RGS17: variants seen among roughly 807,000 people sequenced by gnomAD.
The protein encoded by RGS17 is regulator of G protein signaling 17.
Under a neutral mutation model 25.5 loss-of-function variants are expected in RGS17, and 12 were observed. That is an observed-to-expected ratio of 0.47 (90% CI 0.30 to 0.76). RGS17 has a LOEUF of 0.76. Among genes scored for constraint, RGS17 ranks in the 30% least tolerant of loss-of-function variants. The probability of loss-of-function intolerance (pLI) is 0.07; values close to 1 mark genes in which losing one functional copy is unlikely to be tolerated. For missense variants in RGS17, 196 were observed against 242.2 expected (o/e 0.81, Z 1.27); for synonymous variants, 71 against 76.9 (o/e 0.92, Z 0.40).
Position 153,111,210 on chromosome 6 carries a change from C to A in RGS17, c.-26+19914G>T, listed in dbSNP as rs537318855. On this transcript the variant is annotated intron_variant, in intron 1 of 4. Coordinates refer to ENST00000206262, the MANE Select transcript of RGS17 (RefSeq NM_012419.5). The stretch of plus-strand genomic sequence containing the variant: ...TCCACTGGCTTGAAATTCTTGCTGC[C>A]GGCACAGCAGTCTGAACTTGCTGGG... 2.4e-4 allele frequency among the ~76,000 whole-genome samples: 36 copies of A among 152,136 alleles called. 1 individual carries two copies. The highest frequency in any genetic ancestry group is 2.4e-3 in the Admixed American group (36 of 15,288).
intron 1 of RGS17, among the ~76,000 whole-genome samples, chr6:153,060,660 A>T (rs1776622047): frequency 6.6e-6 from 1 of 152,166 alleles, no homozygotes; most frequent in African/African-American, 2.4e-5. Flanking sequence ...TATTTTGCTC[A>T]GAGAGGAAAA....
chr6:153,085,406 C>G (rs1321359499), intron 1 of RGS17, among the ~76,000 whole-genome samples: 1 of 152,130 alleles, frequency 6.6e-6, no homozygotes. Context: ...GCAGCTGGGT[C>G]AAAACCAGAC....
At chr6:153,097,904 G>A (rs1471884419) in intron 1 of RGS17, among the ~76,000 whole-genome samples, 1 of 152,026 alleles carries the variant, frequency 6.6e-6, no homozygotes, top group Non-Finnish European at 1.5e-5. Context: ...GATTTTAAGG[G>A]AGCTCTTGCA....
intron 1 of RGS17, among the ~76,000 whole-genome samples, chr6:153,070,710 T>C (rs1013207747): frequency 6.1e-4 from 92 of 150,522 alleles, no homozygotes; most frequent in African/African-American, 2.1e-3. Flanking sequence ...TGTATATACA[T>C]ATATATATAC....
In RGS17 at chr6:153,059,744, T is replaced by C. The variant is rs548290176; in HGVS notation, c.-25-15701A>G. On this transcript the variant is annotated intron_variant, in intron 1 of 4. Transcript: ENST00000206262. ...TATTACTCCTGGACCAACTTCTGTT[T>C]CCATATTTACAATAAAAAGCTGATG... Among the ~76,000 whole-genome samples, 256 of 152,338 alleles carry C rather than the reference T, an allele frequency of 1.7e-3. 1 individual carries two copies. The highest frequency in any genetic ancestry group is 5.7e-3 in the African/African-American group (238 of 41,586).
chr6:153,054,063 TA>T lies in RGS17; in HGVS notation c.-25-10021del, dbSNP rs1776513828. On this transcript the variant is annotated intron_variant, in intron 1 of 4. Coordinates refer to ENST00000206262, the MANE Select transcript of RGS17 (RefSeq NM_012419.5). ...TATATGTATATATGTATATAATATATATACATATATATATACACACAATATT... is the reference window on the plus strand; with the variant it reads ...TATATGTATATATGTATATAATATATTACATATATATATACACACAATATT... 7.6e-5 allele frequency among the ~76,000 whole-genome samples: 4 copies of T among 52,912 alleles called. 1 individual carries two copies. The highest frequency in any genetic ancestry group is 1.2e-3 in the East Asian group (2 of 1,700). The allele number at this position is 52,912 out of a possible 152,430, so 34.7% of individuals were successfully genotyped here. A position where few individuals can be genotyped will look rare whatever the true frequency, so the allele number is the denominator to read the frequency against.
intron 1 of RGS17, among the ~76,000 whole-genome samples, chr6:153,051,109 A>T (rs1049065222): frequency 1.3e-5 from 2 of 152,232 alleles, no homozygotes; most frequent in Non-Finnish European, 2.9e-5. Flanking sequence ...CAGAACTGTG[A>T]GAAATAAATG....
intron 1 of RGS17, among the ~76,000 whole-genome samples, chr6:153,110,446 A>G (rs1777451634): frequency 6.6e-6 from 1 of 151,828 alleles, no homozygotes; most frequent in East Asian, 1.9e-4. Context: ...ACACACACAC[A>G]CACACACACA....
intron 1 of RGS17, among the ~76,000 whole-genome samples, chr6:153,066,691 T>C (rs1584141687): frequency 6.6e-6 from 1 of 152,160 alleles, no homozygotes; most frequent in Non-Finnish European, 1.5e-5. Context: ...ATTAATTCAA[T>C]ATATGCAAAT....
intron 1 of RGS17, among the ~76,000 whole-genome samples, chr6:153,073,953 TGA>T (rs1776842620): frequency 1.3e-5 from 2 of 152,192 alleles, no homozygotes; most frequent in East Asian, 1.9e-4. Context: ...TAAAATATAA[TGA>T]GAGAGATTTC....
At chr6:153,094,279 A>G (rs1417223908) in intron 1 of RGS17, among the ~76,000 whole-genome samples, 1 of 151,856 alleles carries the variant, frequency 6.6e-6, no homozygotes, top group Non-Finnish European at 1.5e-5. Context: ...GGGTTTTGCT[A>G]TGTTGGCCAG....
At chr6:153,057,378 T>G (rs1776575112) in intron 1 of RGS17, among the ~76,000 whole-genome samples, 1 of 152,062 alleles carries the variant, frequency 6.6e-6, no homozygotes, top group African/African-American at 2.4e-5. Flanking sequence ...CACCAAATTT[T>G]TAGGACTTAA....
At chr6:153,118,203 T>C (rs1777570680) in intron 1 of RGS17, among the ~76,000 whole-genome samples, 1 of 152,184 alleles carries the variant, frequency 6.6e-6, no homozygotes, top group African/African-American at 2.4e-5. Flanking sequence ...CTTATGCTGA[T>C]TTTTCACACC....
intron 2 of RGS17, among the ~76,000 whole-genome samples, chr6:153,037,201 GACACAC>G (rs71017568): frequency 6.8e-5 from 2 of 29,416 alleles, no homozygotes; most frequent in African/African-American, 2.6e-4. Context: ...CACACACACA[GACACAC>G]ACACACACAC....
chr6:153,083,751 A>T (rs1020968646), intron 1 of RGS17, among the ~76,000 whole-genome samples: 15 of 152,202 alleles, frequency 9.9e-5, no homozygotes, highest in African/African-American at 3.4e-4. Context: ...AACAAAGAAA[A>T]ATCTGAAATG....
intron 1 of RGS17, among the ~76,000 whole-genome samples, chr6:153,117,732 C>T (rs1340640340): frequency 1.3e-5 from 2 of 152,152 alleles, no homozygotes; most frequent in African/African-American, 4.8e-5. Flanking sequence ...AGCATTTACT[C>T]CATGCCCAAT....
At chr6:153,108,885 T>A (rs550797889) in intron 1 of RGS17, among the ~76,000 whole-genome samples, 1 of 151,728 alleles carries the variant, frequency 6.6e-6, no homozygotes, top group Non-Finnish European at 1.5e-5. Flanking sequence ...TGGAGCTCTA[T>A]GAACCAATTA....
intron 3 of RGS17, 70 bp downstream of exon 3, chr6:153,026,384 C>T: frequency 1.8e-6 from 2 of 1,094,334 alleles, no homozygotes; most frequent in Admixed American, 1.8e-5. Context: ...AGGGGTAATA[C>T]TGAGGCACGC....
intron 1 of RGS17, among the ~76,000 whole-genome samples, chr6:153,058,173 G>A (rs1219754879): frequency 6.6e-6 from 1 of 152,220 alleles, no homozygotes; most frequent in Non-Finnish European, 1.5e-5. Context: ...TGCGCAGTAT[G>A]TGGTAGCTCT....
Sources: gnomAD v4.1 joint callset for allele counts (sites outside exome capture counted in the v4.1 genomes callset) on GRCh38, gnomAD v4.1.1 for gene constraint, MANE v1.5 for transcripts, NCBI Gene and HGNC (gene_info 2026-07-23, HGNC 2026-07-21) for gene names.